The following NMRK1 variants were observed in gnomAD, a reference collection of about 807,000 sequenced individuals.
NMRK1 encodes nicotinamide riboside kinase 1.
A neutral mutation model predicts 29.9 loss-of-function variants in NMRK1; 28 were observed. That is an observed-to-expected ratio of 0.94 (90% confidence interval 0.69 to 1.28). NMRK1 has a LOEUF of 1.28. NMRK1 is among the 50% of genes most tolerant of loss of function. The probability of loss-of-function intolerance (pLI) is 0.00; values close to 1 mark genes in which losing one functional copy is unlikely to be tolerated. For synonymous variants in NMRK1, 58 were observed against 73.0 expected (o/e 0.79, Z 1.05); for missense variants, 218 against 233.1 (o/e 0.94, Z 0.42).
rs1823606698 is a variant in NMRK1 at position 75,070,005 on chromosome 9, G to A, written c.207C>T (p.Ala69=). The change falls in exon 5 of 9, where the codon GCC becomes GCT. Residue 69 remains alanine (A), a synonymous_variant. Transcript: ENST00000361092. ...TTGCGCTTTCCATCCAGCAGGAAAT[G>A]GCTGACATCATTTTTTCCATGTTAA... is the stretch of plus-strand genomic sequence containing the variant. ...EALNMEKMMS[A]ISCWMESARH... 1 of 1,613,468 alleles carries A rather than the reference G, an allele frequency of 6.2e-7. No individual in the cohort carries two copies. The highest frequency in any genetic ancestry group is 1.1e-5 in the South Asian group (1 of 90,916).
In NMRK1 at chr9:75,066,607, A is replaced by G. The variant is rs557364232; in HGVS notation, c.580+150T>C. On this transcript the variant is annotated intron_variant, in intron 8 of 8. Transcript: ENST00000361092. ...TTGAGTCTCCAAACCCCCCCCCAGA[A>G]TTTCTGATTCTGAATTATCCTCAAA... 1.3e-4 allele frequency: 86 copies of G among 664,026 alleles called. No homozygotes were observed. In the African/African-American group the frequency reaches 1.5e-3, roughly 11 times the overall value. The allele number at this position is 664,026 out of a possible 1,614,324, so 41.1% of individuals were successfully genotyped here. A position where few individuals can be genotyped will look rare whatever the true frequency, so the allele number is the denominator to read the frequency against.
chr9:75,072,299 CTGTT>C (rs1823744973), intron 4 of NMRK1, among the ~76,000 whole-genome samples: 1 of 152,158 alleles, frequency 6.6e-6, no homozygotes, highest in South Asian at 2.1e-4. Context: ...CTTCCTTTGT[CTGTT>C]TGTTGCATTA....
intron 1 of NMRK1, among the ~76,000 whole-genome samples, chr9:75,087,016 C>T (rs572495593): frequency 2.0e-5 from 3 of 151,900 alleles, no homozygotes; most frequent in African/African-American, 7.2e-5. Context: ...AGTGATTCTC[C>T]TGCCCCAGCC....
Position 75,060,838 on chromosome 9 carries a change from A to G in NMRK1, c.*710T>C, listed in dbSNP as rs1251063918. On this transcript the variant is annotated 3_prime_UTR_variant, in exon 9 of 9. Coordinates refer to ENST00000361092, the MANE Select transcript of NMRK1 (RefSeq NM_017881.3). ...TGTAACAAAGTCTCAACAATGAGAT[A>G]CAATGGTATTAGATACACGCCAACA... 1 of 148,258 alleles carries G rather than the reference A, an allele frequency of 6.7e-6. No homozygotes were observed. Among genetic ancestry groups the G allele is most frequent in the African/African-American group, 2.5e-5 (1 of 39,594 alleles). The allele number at this position is 148,258 out of a possible 1,614,324, so 9.2% of individuals were successfully genotyped here. A position where few individuals can be genotyped will look rare whatever the true frequency, so the allele number is the denominator to read the frequency against.
intron 2 of NMRK1, among the ~76,000 whole-genome samples, chr9:75,080,912 C>T (rs1220006989): frequency 6.6e-6 from 1 of 152,158 alleles, no homozygotes; most frequent in Admixed American, 6.5e-5. Flanking sequence ...TCATCAGAAG[C>T]ACATATCACC....
intron 8 of NMRK1, among the ~76,000 whole-genome samples, chr9:75,062,225 C>T (rs1823064640): frequency 6.6e-6 from 1 of 152,058 alleles, no homozygotes. Flanking sequence ...ACACTTGTAA[C>T]AACAGTAAAT....
chr9:75,085,726 G>GTT (rs58741153), intron 1 of NMRK1, among the ~76,000 whole-genome samples: 10,939 of 84,712 alleles, frequency 0.13, 857 homozygotes, highest in Non-Finnish European at 0.18. Context: ...TCAAATGTAA[G>GTT]TTTTTTTTTT....
At chr9:75,078,364 C>G (rs1824128777) in intron 2 of NMRK1, 1 of 1,572,154 alleles carries the variant, frequency 6.4e-7, no homozygotes, top group African/African-American at 1.4e-5. Context: ...TCCTTTTCCC[C>G]ATCTCTCTCC....
intron 8 of NMRK1, 43 bp from the exon 9 acceptor site, chr9:75,061,610 T>C: frequency 6.7e-7 from 1 of 1,484,726 alleles, no homozygotes; most frequent in Non-Finnish European, 9.4e-7. Flanking sequence ...GAATTCCAAT[T>C]CTCATTTTAT....
intron 6 of NMRK1, 85 bp from the exon 7 acceptor site, chr9:75,069,187 T>C (rs1300881500): frequency 1.1e-6 from 1 of 942,666 alleles, no homozygotes; most frequent in East Asian, 2.4e-5. Flanking sequence ...AATGGGGAAA[T>C]CACTCAGAGG....
Position 75,070,183 on chromosome 9 carries a change from T to C in NMRK1, c.170-141A>G, listed in dbSNP as rs189757651. The C allele has an allele frequency of 3.2e-4, 192 of 608,830 alleles. No individual in the cohort carries two copies. The African/African-American group carries it at 3.4e-3, about 11-fold the overall frequency. The allele number at this position is 608,830 out of a possible 1,614,324, so 37.7% of individuals were successfully genotyped here. On this transcript the variant is annotated intron_variant, in intron 4 of 8. Coordinates refer to ENST00000361092, the MANE Select transcript of NMRK1 (RefSeq NM_017881.3). ...CTTCAAAACTCCTAATAACAAATAA[T>C]TTAGATAACATGTGGAAACTCTAAT...
intron 8 of NMRK1, among the ~76,000 whole-genome samples, chr9:75,062,490 T>C (rs1330360643): frequency 6.6e-6 from 1 of 152,002 alleles, no homozygotes; most frequent in Non-Finnish European, 1.5e-5. Context: ...AACTCAGCCT[T>C]GATTTTTTTT....
At chr9:75,068,827 A>G (rs1823521092) in intron 7 of NMRK1, among the ~76,000 whole-genome samples, 169 bp downstream of exon 7, 1 of 152,260 alleles carries the variant, frequency 6.6e-6, no homozygotes, top group Non-Finnish European at 1.5e-5. Flanking sequence ...GAAGCTGACA[A>G]GAGCCACAGA....
intron 2 of NMRK1, among the ~76,000 whole-genome samples, chr9:75,080,107 A>G (rs1824232240): frequency 6.6e-6 from 1 of 152,202 alleles, no homozygotes. Context: ...TAATTACTCA[A>G]ACACGTGGAG....
At chr9:75,063,447 G>A (rs181439141) in intron 8 of NMRK1, among the ~76,000 whole-genome samples, 19 of 152,156 alleles carry the variant, frequency 1.2e-4, no homozygotes, top group Admixed American at 4.6e-4. Context: ...GAGTTTGAAT[G>A]TTCCTGGTGG....
At chr9:75,086,821 A>C (rs754660664) in intron 1 of NMRK1, among the ~76,000 whole-genome samples, 2 of 151,728 alleles carry the variant, frequency 1.3e-5, no homozygotes, top group African/African-American at 4.8e-5. Context: ...AGCTATTTTG[A>C]TTCTCTTCTT....
At chr9:75,086,972 C>A (rs1428214852) in intron 1 of NMRK1, among the ~76,000 whole-genome samples, 1 of 149,122 alleles carries the variant, frequency 6.7e-6, no homozygotes, top group Non-Finnish European at 1.5e-5. Context: ...GTGGCGCAAT[C>A]TCGGCTTACT....
At chr9:75,066,261 TCC>T (rs770729223) in intron 8 of NMRK1, 1 of 518,790 alleles carries the variant, frequency 1.9e-6, no homozygotes, top group South Asian at 1.4e-5. Flanking sequence ...TTTAGGCAGA[TCC>T]CTGTCACTTG....
chr9:75,062,166 A>C (rs1823059468), intron 8 of NMRK1, among the ~76,000 whole-genome samples: 1 of 152,232 alleles, frequency 6.6e-6, no homozygotes, highest in African/African-American at 2.4e-5. Context: ...GACAACCAAC[A>C]AAGAGTAGGT....
Sources: gnomAD v4.1 joint callset for allele counts (sites outside exome capture counted in the v4.1 genomes callset) on GRCh38, gnomAD v4.1.1 for gene constraint, MANE v1.5 for transcripts, NCBI Gene and HGNC (gene_info 2026-07-23, HGNC 2026-07-21) for gene names.